HIVEP3: variants seen among roughly 807,000 people sequenced by gnomAD.
HIVEP3 encodes the protein HIVEP zinc finger 3.
A neutral mutation model predicts 152.8 loss-of-function variants in HIVEP3; 49 were observed. The observed-to-expected ratio is 0.32, with a 90% CI of 0.26 to 0.41. The LOEUF (loss-of-function observed/expected upper bound fraction) is 0.41. Among genes scored for constraint, HIVEP3 ranks in the 10% least tolerant of loss-of-function variants. The probability of loss-of-function intolerance (pLI) is 1.00; values close to 1 mark genes in which losing one functional copy is unlikely to be tolerated. For synonymous variants in HIVEP3, 1,269 were observed against 1,289.0 expected (o/e 0.98, Z 0.33); for missense variants, 2,790 against 3,103.3 (o/e 0.90, Z 2.40).
intron 1 of HIVEP3, among the ~76,000 whole-genome samples, chr1:41,787,228 C>T (rs996152648): frequency 4.6e-5 from 7 of 152,116 alleles, no homozygotes; most frequent in Non-Finnish European, 7.4e-5. Flanking sequence ...TGCACTACGC[C>T]GCAACAGTAT....
intron 1 of HIVEP3, among the ~76,000 whole-genome samples, chr1:41,706,540 C>T (rs548006854): frequency 5.7e-4 from 87 of 152,346 alleles, no homozygotes; most frequent in Middle Eastern, 3.4e-3. Context: ...CCTTGGCCTT[C>T]CAAAGTGCTG....
At chr1:41,963,111 A>G (rs900347235) in intron 1 of HIVEP3, among the ~76,000 whole-genome samples, 4 of 152,120 alleles carry the variant, frequency 2.6e-5, no homozygotes, top group African/African-American at 7.2e-5. Flanking sequence ...TCCCGGGTTC[A>G]TGCCATTCTC....
intron 1 of HIVEP3, among the ~76,000 whole-genome samples, chr1:41,985,781 A>G (rs1222016209): frequency 1.3e-5 from 2 of 152,176 alleles, no homozygotes; most frequent in Non-Finnish European, 2.9e-5. Flanking sequence ...GCTACAAAGG[A>G]GAGTGGCTCA....
intron 2 of HIVEP3, among the ~76,000 whole-genome samples, chr1:41,631,760 T>G (rs879676587): frequency 4.6e-5 from 7 of 152,148 alleles, no homozygotes; most frequent in Non-Finnish European, 1.0e-4. Flanking sequence ...CTCACTACTC[T>G]GTGGGTTTCT....
intron 2 of HIVEP3, among the ~76,000 whole-genome samples, chr1:41,636,554 G>A (rs1645276513): frequency 6.6e-6 from 1 of 152,022 alleles, no homozygotes; most frequent in East Asian, 1.9e-4. Flanking sequence ...AAAAATATTT[G>A]CAACATATAT....
Position 41,513,450 on chromosome 1 carries a change from A to G in HIVEP3, c.5771T>C (p.Leu1924Pro), listed in dbSNP as rs778051479. The G allele has an allele frequency of 1.2e-6, 2 of 1,611,810 alleles. No homozygotes were observed. The highest frequency in any genetic ancestry group is 3.3e-5 in the Admixed American group (2 of 60,008). Residue 1924 changes from leucine to proline, a missense_variant, in exon 8 of 9, where the codon CTG (leucine) becomes CCG (proline). By Grantham distance (98) the Leu-to-Pro change is moderately conservative. Around this residue, in one of 9 missense-constraint regions of HIVEP3, gnomAD observed 816 missense variants for 806.5 expected, o/e 1.01. Transcript: ENST00000372583. ...GGACATGGAGCAGCTGCTGGCTGTC[A>G]GGCGCTCAGCTTCCGAGACCGAGCT... ...RGSSVSEAERLTASSCSMSSQ... is the reference protein window; with the variant it reads ...RGSSVSEAERPTASSCSMSSQ...
intron 1 of HIVEP3, among the ~76,000 whole-genome samples, chr1:41,958,701 A>G (rs1260274912): frequency 1.3e-5 from 2 of 152,150 alleles, no homozygotes; most frequent in Non-Finnish European, 2.9e-5. Context: ...CTTGGCTCAC[A>G]GATAGGTCAG....
At chr1:41,685,940 C>T (rs2124099065) in intron 2 of HIVEP3, among the ~76,000 whole-genome samples, 1 of 152,312 alleles carries the variant, frequency 6.6e-6, no homozygotes, top group Non-Finnish European at 1.5e-5. Context: ...AAACAACAGG[C>T]ACCAGTGGAT....
chr1:41,592,847 A>T (rs369981774), intron 3 of HIVEP3, among the ~76,000 whole-genome samples: 1 of 152,114 alleles, frequency 6.6e-6, no homozygotes, highest in Non-Finnish European at 1.5e-5. Context: ...GTGCAGAGAA[A>T]ACTACCCCTG....
At chr1:41,846,104 C>T (rs575474881) in intron 1 of HIVEP3, among the ~76,000 whole-genome samples, 10 of 152,192 alleles carry the variant, frequency 6.6e-5, no homozygotes, top group Admixed American at 1.3e-4. Flanking sequence ...GAAAAACCAA[C>T]GCACGAATAA....
intron 2 of HIVEP3, among the ~76,000 whole-genome samples, chr1:41,689,146 C>T (rs563000945): frequency 3.9e-5 from 6 of 152,338 alleles, no homozygotes; most frequent in African/African-American, 1.4e-4. Flanking sequence ...GCAAACAGCA[C>T]AAGGTACGTA....
intron 1 of HIVEP3, among the ~76,000 whole-genome samples, chr1:41,771,428 G>T (rs769273099): frequency 2.0e-4 from 30 of 152,134 alleles, no homozygotes; most frequent in Non-Finnish European, 2.9e-5. Context: ...CCAAATTAAA[G>T]CTTCTCTCCT....
intron 1 of HIVEP3, among the ~76,000 whole-genome samples, chr1:41,806,388 C>G (rs924328667): frequency 2.0e-5 from 3 of 152,240 alleles, no homozygotes; most frequent in Non-Finnish European, 2.9e-5. Context: ...CCCTTCACCC[C>G]CTCTGAAGCA....
chr1:41,848,535 G>A (rs1021792468), intron 1 of HIVEP3: 3 of 152,238 alleles, frequency 2.0e-5, no homozygotes, highest in Non-Finnish European at 4.4e-5. Context: ...TAAGGAGGAT[G>A]GAATCGGCAG....
At chr1:41,910,046 A>C (rs1439924949) in intron 1 of HIVEP3, among the ~76,000 whole-genome samples, 1 of 152,020 alleles carries the variant, frequency 6.6e-6, no homozygotes, top group African/African-American at 2.4e-5. Context: ...AAAGAAAAAT[A>C]GCTCAAATGT....
chr1:41,899,410 T>G (rs1014379740), intron 1 of HIVEP3, among the ~76,000 whole-genome samples: 1 of 152,200 alleles, frequency 6.6e-6, no homozygotes, highest in Non-Finnish European at 1.5e-5. Context: ...TTATTTTATT[T>G]ATTTATTTAT....
chr1:41,660,040 G>A (rs141098224), intron 2 of HIVEP3, among the ~76,000 whole-genome samples: 118 of 152,360 alleles, frequency 7.7e-4, no homozygotes, highest in African/African-American at 2.6e-3. Flanking sequence ...GGGAGTGGGT[G>A]TGTGTAGAGG....
chr1:41,630,885 G>A (rs1471187463), intron 2 of HIVEP3, among the ~76,000 whole-genome samples: 1 of 152,122 alleles, frequency 6.6e-6, no homozygotes, highest in African/African-American at 2.4e-5. Context: ...TCATATTCAG[G>A]CATGGGTGGC....
chr1:41,871,681 T>G lies in HIVEP3; in HGVS notation c.-801+46732A>C, dbSNP rs566899921. 2.6e-5 allele frequency among the ~76,000 whole-genome samples: 4 copies of G among 152,366 alleles called. 1 individual carries two copies. In the South Asian group the frequency reaches 8.3e-4, roughly 32 times the overall value. ...CAGATAGCAGGATAATTTCACTATC[T>G]ACGTGAAACATTATCCAAGAATCTG... On this transcript the variant is annotated intron_variant, in intron 1 of 8. Transcript: ENST00000372583.
Sources: gnomAD v4.1 joint callset for allele counts (sites outside exome capture counted in the v4.1 genomes callset) on GRCh38, gnomAD v4.1.1 for gene constraint, gnomAD v4.1.1 regional missense constraint, MANE v1.5 for transcripts, NCBI Gene and HGNC (gene_info 2026-07-23, HGNC 2026-07-21) for gene names.